The following UNC119B variants were observed in gnomAD, a reference collection of about 807,000 sequenced individuals.
UNC119B encodes protein unc-119 homolog B.
UNC119B carries 16 observed loss-of-function variants against 23.4 expected under a neutral mutation model. The ratio of observed to expected loss-of-function variants is 0.68; its 90% CI spans 0.46 to 1.04. The LOEUF (loss-of-function observed/expected upper bound fraction) is 1.04, where lower values mean the gene tolerates loss of function less well. Ranked by LOEUF, UNC119B falls within the 50% of genes least tolerant of loss-of-function variation. The pLI is 0.00. For synonymous variants in UNC119B, 144 were observed against 145.4 expected (o/e 0.99, Z 0.07); for missense variants, 350 against 361.3 (o/e 0.97, Z 0.25).
At position 120,710,500 on chromosome 12, in the gene UNC119B, CGGCCGCG is replaced by C; in HGVS notation, c.28_34del (p.Ala10ArgfsTer24). 7.4e-7 allele frequency: 1 copy of C among 1,355,508 alleles called. No individual in the cohort carries two copies. Among genetic ancestry groups the C allele is most frequent in the Non-Finnish European group, 9.4e-7 (1 of 1,061,356 alleles). 84.0% of individuals were successfully genotyped at this position (1,355,508 alleles called of 1,614,324 possible). A position where few individuals can be genotyped will look rare whatever the true frequency, so the allele number is the denominator to read the frequency against. Reference sequence around the variant, plus strand: ...ATGAGCGGGTCTAACCCGAAGGCTGCGGCCGCGGCGTCGGCGGCTGGGCCCGGGGGGC... The same window carrying C: ...ATGAGCGGGTCTAACCCGAAGGCTGCGCGTCGGCGGCTGGGCCCGGGGGGC... On this transcript the variant is annotated frameshift_variant, in exon 1 of 5. Coordinates refer to ENST00000344651, the MANE Select transcript of UNC119B (RefSeq NM_001080533.3). LOFTEE classifies it high-confidence loss of function.
At chr12:120,715,521 CTTTTTTTTTTTTTTTTTTT>C (rs55906857) in intron 2 of UNC119B, among the ~76,000 whole-genome samples, 3 of 71,484 alleles carry the variant, frequency 4.2e-5, no homozygotes, top group South Asian at 1.5e-3. Context: ...TTCTCTGATT[CTTTTTTTTTTTTTTTTTTT>C]TTTTTTTTTT....
At chr12:120,713,826 G>A (rs528000029) in intron 2 of UNC119B, among the ~76,000 whole-genome samples, 1 of 152,274 alleles carries the variant, frequency 6.6e-6, no homozygotes, top group South Asian at 2.1e-4. Context: ...CCTCTTGGAG[G>A]GTGATAGGGA....
At chr12:120,717,941 G>T (rs1048153776) in intron 4 of UNC119B, among the ~76,000 whole-genome samples, 1 of 149,998 alleles carries the variant, frequency 6.7e-6, no homozygotes, top group Non-Finnish European at 1.5e-5. Context: ...GCGCAATCTC[G>T]GCTCACTGCA....
intron 4 of UNC119B, 66 bp from the exon 5 acceptor site, chr12:120,719,854 C>T (rs2136933215): frequency 3.4e-6 from 4 of 1,177,226 alleles, no homozygotes; most frequent in Non-Finnish European, 5.1e-6. Context: ...TTTCTCCCAC[C>T]TACCCTGTGG....
At chr12:120,719,550 G>C (rs1420689647) in intron 4 of UNC119B, among the ~76,000 whole-genome samples, 3 of 152,204 alleles carry the variant, frequency 2.0e-5, no homozygotes, top group African/African-American at 7.2e-5. Context: ...AGAGGCCAGG[G>C]CTGGCTTTGG....
rs1592930538 is a variant in UNC119B, at chr12:120,722,740, C to A, written c.*2708C>A. ...ACAGCCTTTGGGCCAAAATGCCCTT[C>A]TAGCTTCTCCAAAGAAGATCCGAGT... On this transcript the variant is annotated 3_prime_UTR_variant, in exon 5 of 5. Coordinates refer to ENST00000344651, the MANE Select transcript of UNC119B (RefSeq NM_001080533.3). The A allele has an allele frequency of 6.6e-6, 1 of 152,184 alleles. No individual in the cohort carries two copies. Among genetic ancestry groups the A allele is most frequent in the Non-Finnish European group, 1.5e-5 (1 of 68,016 alleles). The allele number at this position is 152,184 out of a possible 1,614,324, so 9.4% of individuals were successfully genotyped here.
In UNC119B at chr12:120,710,728, G is replaced by C; in HGVS notation, c.244+10G>C. The C allele has an allele frequency of 1.5e-6, 2 of 1,358,670 alleles. No homozygotes were observed. The highest frequency in any genetic ancestry group is 1.9e-6 in the Non-Finnish European group (2 of 1,058,876). 84.2% of individuals were successfully genotyped at this position (1,358,670 alleles called of 1,614,324 possible). ...AGCCGGGTCACCGAGAGTGAGTGCC[G>C]CGCGGGCCGCGCCCTCCCCTCGCGC... On this transcript the variant is annotated intron_variant, in intron 1 of 4. Coordinates refer to ENST00000344651, the MANE Select transcript of UNC119B (RefSeq NM_001080533.3).
intron 4 of UNC119B, among the ~76,000 whole-genome samples, chr12:120,718,171 C>A (rs1170647156): frequency 6.6e-6 from 1 of 151,940 alleles, no homozygotes; most frequent in Non-Finnish European, 1.5e-5. Context: ...CCCGGCCGGT[C>A]TGAAGGTTTT....
chr12:120,716,762 G>C, intron 3 of UNC119B, 23 bp downstream of exon 3: 1 of 1,611,430 alleles, frequency 6.2e-7, no homozygotes, highest in Middle Eastern at 1.7e-4. Flanking sequence ...ACTACCTGAG[G>C]GGAGAACATT....
At position 120,722,393 on chromosome 12, in the gene UNC119B, G is replaced by T. The variant is rs537832980; in HGVS notation, c.*2361G>T. ...AATCTTGAGAAGCATTCCACTCTGGGGTGTAAACCAGTATGAGTTTGAAAT... is the reference window on the plus strand; with the variant it reads ...AATCTTGAGAAGCATTCCACTCTGGTGTGTAAACCAGTATGAGTTTGAAAT... On this transcript the variant is annotated 3_prime_UTR_variant, in exon 5 of 5. Transcript: ENST00000344651. The T allele has an allele frequency of 6.6e-6, 1 of 152,336 alleles. No homozygotes were observed. Among genetic ancestry groups the T allele is most frequent in the African/African-American group, 2.4e-5 (1 of 41,558 alleles). 9.4% of individuals were successfully genotyped at this position (152,336 alleles called of 1,614,324 possible). A position where few individuals can be genotyped will look rare whatever the true frequency, so the allele number is the denominator to read the frequency against.
In UNC119B at chr12:120,722,890, A is replaced by G. The variant is rs866450269; in HGVS notation, c.*2858A>G. ...TTTGCAGAGAAAACATTTTTCAAGC[A>G]TGTGCTTCCTGAAGACACCTCAGTC... On this transcript the variant is annotated 3_prime_UTR_variant, in exon 5 of 5. Coordinates refer to ENST00000344651, the MANE Select transcript of UNC119B (RefSeq NM_001080533.3). 7 of 152,352 alleles carry G rather than the reference A, an allele frequency of 4.6e-5. No homozygotes were observed. Among genetic ancestry groups the G allele is most frequent in the African/African-American group, 9.7e-5 (4 of 41,450 alleles). The allele number at this position is 152,352 out of a possible 1,614,324, so 9.4% of individuals were successfully genotyped here.
At chr12:120,710,845 TC>T (rs1882649516) in intron 1 of UNC119B, 127 bp downstream of exon 1, 2 of 934,398 alleles carry the variant, frequency 2.1e-6, no homozygotes, top group Non-Finnish European at 2.8e-6. Flanking sequence ...GGGCCGCGCT[TC>T]CCGCTGCCCC....
Position 120,716,992 on chromosome 12 carries a change from G to C in UNC119B, c.593G>C (p.Arg198Thr), listed in dbSNP as rs1882794468. Residue 198 changes from arginine to threonine, a missense_variant, in exon 4 of 5, where the codon AGG becomes ACG. By Grantham distance (71) the Arg-to-Thr change is moderately conservative. Coordinates refer to ENST00000344651, the MANE Select transcript of UNC119B (RefSeq NM_001080533.3). ...TTTGGCTTCTGCATCCCCAGCAGTA[G>C]GAACACTTGTGAACATATCTATGAG... ...FDFGFCIPSS[R>T]NTCEHIYEFP... is the part of the protein sequence containing the mutation. 6.2e-7 allele frequency: 1 copy of C among 1,612,716 alleles called. No individual in the cohort carries two copies. The highest frequency in any genetic ancestry group is 1.7e-5 in the Admixed American group (1 of 59,902).
At chr12:120,717,391 T>C (rs1592928164) in intron 4 of UNC119B, among the ~76,000 whole-genome samples, 2 of 151,982 alleles carry the variant, frequency 1.3e-5, no homozygotes, top group African/African-American at 4.8e-5. Context: ...TGCCTCAGCC[T>C]CCTGAGTAGC....
chr12:120,716,933 C>T lies in UNC119B; in HGVS notation c.534C>T (p.Phe178=). ...SNFRMIERHY[F]REHLLKNFDF... ...TCCGGATGATCGAACGGCACTATTT[C>T]CGGGAACACTTGCTGAAAAACTTTG... Residue 178 remains phenylalanine, a synonymous_variant, in exon 4 of 5, where the codon TTC becomes TTT. Coordinates refer to ENST00000344651, the MANE Select transcript of UNC119B (RefSeq NM_001080533.3). 6.2e-7 allele frequency: 1 copy of T among 1,613,904 alleles called. No homozygotes were observed. Among genetic ancestry groups the T allele is most frequent in the African/African-American group, 1.3e-5 (1 of 75,050 alleles).
rs1218674803 is a variant in UNC119B, at chr12:120,714,463, G to A, written c.358+1076G>A. On this transcript the variant is annotated intron_variant, in intron 2 of 4. Transcript: ENST00000344651. ...AGCCTCCCAAGTAGCTGAGATTACA[G>A]GTGCCCACCACCATGCCTAGCTAAT... Among the ~76,000 whole-genome samples, 3 of 152,252 alleles carry A rather than the reference G, an allele frequency of 2.0e-5. No individual in the cohort carries two copies. The East Asian group carries it at 5.8e-4, about 29-fold the overall frequency.
rs1882855394 is a variant in UNC119B at position 120,719,933 on chromosome 12, T to G, written c.657T>G (p.Ile219Met). 1.2e-6 allele frequency: 2 copies of G among 1,614,038 alleles called. No homozygotes were observed. Among genetic ancestry groups the G allele is most frequent in the Non-Finnish European group, 1.7e-6 (2 of 1,179,900 alleles). The change falls in exon 5 of 5, where the codon ATT becomes ATG. Residue 219 changes from isoleucine (I) to methionine (M), a missense_variant. Ile to Met is a conservative substitution (Grantham distance 10). Coordinates refer to ENST00000344651, the MANE Select transcript of UNC119B (RefSeq NM_001080533.3). ...CCTGACTTGCAGTTCGTCTAATGATTGAAAATCCTTACGAGACCCGCTCTG... is the reference window on the plus strand; with the variant it reads ...CCTGACTTGCAGTTCGTCTAATGATGGAAAATCCTTACGAGACCCGCTCTG... ...QLSEDVIRLM[I>M]ENPYETRSDS...
intron 4 of UNC119B, among the ~76,000 whole-genome samples, chr12:120,718,087 C>T (rs557869751): frequency 6.6e-6 from 1 of 152,200 alleles, no homozygotes; most frequent in South Asian, 2.1e-4. Context: ...CCAGGATAGT[C>T]CCAATCTCCT....
intron 4 of UNC119B, among the ~76,000 whole-genome samples, chr12:120,717,255 G>T (rs1206479324): frequency 6.6e-6 from 1 of 152,090 alleles, no homozygotes; most frequent in Non-Finnish European, 1.5e-5. Context: ...TGAAGGGTTT[G>T]TTTGTTTTTG....
Sources: allele counts gnomAD v4.1 joint callset (sites outside exome capture counted in the v4.1 genomes callset), GRCh38; gene constraint gnomAD v4.1.1; transcripts MANE v1.5; gene names NCBI Gene and HGNC (gene_info 2026-07-23, HGNC 2026-07-21).